Variants in CAGE1 observed in about 807,000 individuals in gnomAD.
CAGE1 encodes the protein cancer antigen 1, also known as cancer-associated gene 1 protein.
Under a neutral mutation model 94.9 loss-of-function variants are expected in CAGE1, and 66 were observed. The ratio of observed to expected loss-of-function variants is 0.70; its 90% CI spans 0.57 to 0.85. The LOEUF is 0.85. CAGE1 is among the 40% of genes least tolerant of loss of function. CAGE1 has a pLI of 0.00. For synonymous variants in CAGE1, 319 were observed against 321.0 expected, an observed-to-expected ratio of 0.99 and a Z score of 0.07; for missense variants, 865 against 950.4, an observed-to-expected ratio of 0.91 and a Z score of 1.18.
At chr6:7,386,084 G>A (rs2113479659) in intron 2 of CAGE1, among the ~76,000 whole-genome samples, 1 of 152,248 alleles carries the variant, frequency 6.6e-6, no homozygotes, top group Non-Finnish European at 1.5e-5. Context: ...GTAACAAATA[G>A]CTTGTTATTT....
At chr6:7,386,848 T>C (rs2113481445) in intron 2 of CAGE1, 131 bp downstream of exon 2, 1 of 684,132 alleles carries the variant, frequency 1.5e-6, no homozygotes, top group East Asian at 2.7e-5. Flanking sequence ...CCAGACCCTG[T>C]ATTCCCCTCC....
At chr6:7,365,759 T>C (rs1356523377) in intron 8 of CAGE1, 45 bp downstream of exon 8, 4 of 1,355,146 alleles carry the variant, frequency 3.0e-6, no homozygotes, top group Non-Finnish European at 4.1e-6. Flanking sequence ...CCTGAAATTG[T>C]ATATTTTTAT....
At chr6:7,374,745 G>C (rs1215081562) in intron 4 of CAGE1, among the ~76,000 whole-genome samples, 1 of 152,144 alleles carries the variant, frequency 6.6e-6, no homozygotes, top group East Asian at 1.9e-4. Context: ...TAAAAAGACA[G>C]TAGGCCGGGC....
chr6:7,351,656 A>G (rs1388755242), intron 11 of CAGE1, among the ~76,000 whole-genome samples: 3 of 151,796 alleles, frequency 2.0e-5, no homozygotes, highest in Non-Finnish European at 2.9e-5. Context: ...AACTGAGTCC[A>G]ACAACATATC....
Position 7,351,088 on chromosome 6 carries a change from T to C in CAGE1, c.2369+3953A>G, listed in dbSNP as rs143900896. Among the ~76,000 whole-genome samples the C allele has an allele frequency of 5.9e-5, 9 of 152,168 alleles. No homozygotes were observed. The East Asian group carries it at 1.7e-3, about 29-fold the overall frequency. On this transcript the variant is annotated intron_variant, in intron 11 of 13. Transcript: ENST00000502583. ...CCAAGAAAAGGAGAGAAAATCTAAA[T>C]AACCTCATTAAGAAATGAAATAGCA...
At chr6:7,353,388 A>G (rs1010829060) in intron 11 of CAGE1, among the ~76,000 whole-genome samples, 1 of 152,176 alleles carries the variant, frequency 6.6e-6, no homozygotes, top group Admixed American at 6.5e-5. Context: ...ATCAAAAAAC[A>G]GTAGATGTTG....
intron 9 of CAGE1, among the ~76,000 whole-genome samples, chr6:7,363,481 C>T (rs983969237): frequency 5.3e-5 from 8 of 152,180 alleles, no homozygotes; most frequent in Admixed American, 3.3e-4. Flanking sequence ...AGTCTCTAGC[C>T]TCTCTTAGTC....
intron 11 of CAGE1, among the ~76,000 whole-genome samples, chr6:7,346,976 C>G (rs751430915): frequency 3.9e-5 from 6 of 152,184 alleles, no homozygotes; most frequent in African/African-American, 7.2e-5. Context: ...CAAATTGGAT[C>G]AACCACTCAA....
intron 8 of CAGE1, 63 bp from the exon 9 acceptor site, chr6:7,365,638 T>A: frequency 6.6e-7 from 1 of 1,516,238 alleles, no homozygotes; most frequent in Non-Finnish European, 9.0e-7. Context: ...TACCTGACAA[T>A]AAATACTTTA....
At chr6:7,346,737 C>G (rs1448966573) in intron 11 of CAGE1, among the ~76,000 whole-genome samples, 1 of 144,034 alleles carries the variant, frequency 6.9e-6, no homozygotes, top group African/African-American at 2.5e-5. Flanking sequence ...GTGGTCCCAG[C>G]TGCTCAGGAG....
Position 7,373,755 on chromosome 6 carries a change from TTGA to T in CAGE1, c.1061_1063del (p.Ile354del). 6.2e-7 allele frequency: 1 copy of T among 1,613,696 alleles called. No individual in the cohort carries two copies. Among genetic ancestry groups the T allele is most frequent in the Non-Finnish European group, 8.5e-7 (1 of 1,179,722 alleles). On this transcript the variant is annotated inframe_deletion, in exon 5 of 14. Coordinates refer to ENST00000502583, the MANE Select transcript of CAGE1 (RefSeq NM_001170692.2). The stretch of plus-strand genomic sequence containing the variant: ...TTCTTCAACATTCTCCTTTAGCTTA[TTGA>T]TGACATCAATGAACACTTGCTGTTT...
chr6:7,357,714 A>G (rs1416519417), intron 9 of CAGE1, among the ~76,000 whole-genome samples: 1 of 152,120 alleles, frequency 6.6e-6, no homozygotes, highest in Non-Finnish European at 1.5e-5. Context: ...AACTGCTTTA[A>G]GGGTATAAGT....
Position 7,345,110 on chromosome 6 carries a change from C to T in CAGE1, c.2369+9931G>A, listed in dbSNP as rs114189788. ...CTGCAGTAAATCTTAACTCTTGTTGCTGTTTGCTCTTTAGATCCATATTGC... is the reference window on the plus strand; with the variant it reads ...CTGCAGTAAATCTTAACTCTTGTTGTTGTTTGCTCTTTAGATCCATATTGC... On this transcript the variant is annotated intron_variant, in intron 11 of 13. Transcript: ENST00000502583. 5.4e-3 allele frequency among the ~76,000 whole-genome samples: 824 copies of T among 151,506 alleles called. 6 individuals carry two copies. The highest frequency in any genetic ancestry group is 7.7e-3 in the Non-Finnish European group (520 of 67,852).
intron 5 of CAGE1, 94 bp from the exon 6 acceptor site, chr6:7,370,159 C>A (rs917220500): frequency 5.8e-6 from 5 of 857,270 alleles, no homozygotes; most frequent in Non-Finnish European, 8.4e-6. Context: ...CTCTTAAAAA[C>A]CTTGGGCGAC....
In CAGE1 at chr6:7,338,915, A is replaced by C. The variant is rs562147237; in HGVS notation, c.2370-4825T>G. 318 of 1,532,618 alleles carry C rather than the reference A, an allele frequency of 2.1e-4. 2 individuals carry two copies. In the East Asian group the frequency reaches 7.2e-3, roughly 35 times the overall value. The allele number at this position is 1,532,618 out of a possible 1,614,324, so 94.9% of individuals were successfully genotyped here. ...CTGTTCTGAGATGGGGGTGGTGGGC[A>C]GTTATCTCATCTTTGGGTTCCACGA... On this transcript the variant is annotated intron_variant, in intron 11 of 13. Coordinates refer to ENST00000502583, the MANE Select transcript of CAGE1 (RefSeq NM_001170692.2).
At chr6:7,328,717 A>G (rs1702234421) in intron 13 of CAGE1, among the ~76,000 whole-genome samples, 1 of 151,942 alleles carries the variant, frequency 6.6e-6, no homozygotes, top group African/African-American at 2.4e-5. Flanking sequence ...AGTTAACCAT[A>G]ATTTATTGGA....
At chr6:7,327,591 A>T (rs1758579562) in intron 13 of CAGE1, among the ~76,000 whole-genome samples, 1 of 152,230 alleles carries the variant, frequency 6.6e-6, no homozygotes, top group South Asian at 2.1e-4. Flanking sequence ...TAGAAGCAAG[A>T]ATCTGAATAA....
chr6:7,373,569 T>C lies in CAGE1; in HGVS notation c.1250A>G (p.Tyr417Cys), dbSNP rs1234667748. ...CATGTACCTTTCCTGTAAACACACA[T>C]AATTAGCCTTGATCTTCTTAAATTG... The part of the protein sequence containing the change: ...QLQFKKIKAN[Y>C]VCLQERYMTE... Residue 417 changes from tyrosine (Y) to cysteine (C), a missense_variant, in exon 5 of 14, where the codon TAT becomes TGT. Physicochemically the swap from Tyr to Cys is radical, Grantham distance 194. Coordinates refer to ENST00000502583, the MANE Select transcript of CAGE1 (RefSeq NM_001170692.2). 1.9e-6 allele frequency: 3 copies of C among 1,613,484 alleles called. No individual in the cohort carries two copies. The highest frequency in any genetic ancestry group is 2.7e-5 in the African/African-American group (2 of 74,932).
intron 4 of CAGE1, among the ~76,000 whole-genome samples, chr6:7,375,394 G>C (rs995655269): frequency 1.4e-4 from 22 of 151,992 alleles, no homozygotes; most frequent in African/African-American, 5.1e-4. Context: ...GGGCGACAGA[G>C]CGAGACTCTG....
Sources: gnomAD v4.1 joint callset for allele counts (sites outside exome capture counted in the v4.1 genomes callset) on GRCh38, gnomAD v4.1.1 for gene constraint, MANE v1.5 for transcripts, NCBI Gene and HGNC (gene_info 2026-07-23, HGNC 2026-07-21) for gene names.